Variants in MAP4 observed in about 807,000 individuals in gnomAD.
MAP4 encodes microtubule-associated protein 4.
A neutral mutation model predicts 170.2 loss-of-function variants in MAP4; 76 were observed. The ratio of observed to expected loss-of-function variants is 0.45; its 90% CI spans 0.37 to 0.54. MAP4 has a LOEUF of 0.54. Among genes scored for constraint, MAP4 ranks in the 20% least tolerant of loss-of-function variants. MAP4 has a pLI of 0.00. For synonymous variants in MAP4, 909 were observed against 994.5 expected (o/e 0.91, Z 1.62); for missense variants, 2,506 against 2,748.0 (o/e 0.91, Z 1.97).
In MAP4 at chr3:47,916,203, C is replaced by T; in HGVS notation, c.1624G>A (p.Val542Met). 1 of 1,614,194 alleles carries T rather than the reference C, an allele frequency of 6.2e-7. No individual in the cohort carries two copies. The highest frequency in any genetic ancestry group is 8.5e-7 in the Non-Finnish European group (1 of 1,180,040). Residue 542 changes from valine (V) to methionine (M), a missense_variant, in exon 7 of 21, where the codon GTG becomes ATG. Physicochemically the swap from Val to Met is conservative, Grantham distance 21. Around this residue, in one of 3 missense-constraint regions of MAP4, gnomAD observed 2,008 missense variants for 2,206.0 expected, o/e 0.91. Coordinates refer to ENST00000683076, the MANE Select transcript of MAP4 (RefSeq NM_001385682.1). ...KNVCLPPEME[V>M]ALTEDQVPAL... ...GGGACCTGATCCTCAGTCAGGGCCA[C>T]CTCCATTTCTGGAGGCAGACATACG...
chr3:47,869,492 A>C (rs1244194587), intron 15 of MAP4, among the ~76,000 whole-genome samples, 165 bp from the exon 16 acceptor site: 4 of 152,166 alleles, frequency 2.6e-5, no homozygotes, highest in Non-Finnish European at 4.4e-5. Context: ...GGGTAGACCA[A>C]GTCAAAGATC....
chr3:48,046,499 T>A (rs2100124647), intron 1 of MAP4, among the ~76,000 whole-genome samples: 1 of 152,144 alleles, frequency 6.6e-6, no homozygotes, highest in South Asian at 2.1e-4. Flanking sequence ...TCACAGAACT[T>A]AAAAGCCTTC....
At chr3:48,087,749 A>ACACACACACACGCGCGCGCG (rs1559930149) in intron 1 of MAP4, among the ~76,000 whole-genome samples, 2 of 116,352 alleles carry the variant, frequency 1.7e-5, no homozygotes, top group Admixed American at 9.0e-5. Flanking sequence ...GCACGCGCAC[A>ACACACACACACGCGCGCGCG]CACACACACA....
chr3:47,987,965 T>C (rs1048980317), intron 2 of MAP4, among the ~76,000 whole-genome samples: 5 of 151,952 alleles, frequency 3.3e-5, no homozygotes, highest in Non-Finnish European at 7.4e-5. Context: ...GAGGCTACGG[T>C]GGGCGGATCA....
chr3:47,973,695 T>C (rs2100080190), intron 3 of MAP4: 1 of 985,284 alleles, frequency 1.0e-6, no homozygotes, highest in Non-Finnish European at 1.2e-6. Flanking sequence ...CACCCATAAC[T>C]TAGACAGCTA....
In MAP4 at chr3:47,880,673, A is replaced by C. The variant is rs148122795; in HGVS notation, c.5435-3150T>G. ...TTTTTGAAGAGATGGAGGTCTTGCC[A>C]TGTGGCCCAAACTGACCGGTCTCAA... is the stretch of plus-strand genomic sequence containing the variant. On this transcript the variant is annotated intron_variant, in intron 10 of 20. Transcript: ENST00000683076. Among the ~76,000 whole-genome samples the C allele has an allele frequency of 7.2e-5, 11 of 152,180 alleles. No individual in the cohort carries two copies. The East Asian group carries it at 1.9e-3, about 27-fold the overall frequency.
At chr3:48,062,925 CA>C (rs199523645) in intron 1 of MAP4, among the ~76,000 whole-genome samples, 6,998 of 116,348 alleles carry the variant, frequency 0.06, 211 homozygotes, top group Non-Finnish European at 0.092. Flanking sequence ...AACTCTGTCT[CA>C]AAAAAAAAAA....
intron 3 of MAP4, among the ~76,000 whole-genome samples, chr3:47,971,723 C>A (rs1366586959): frequency 2.0e-5 from 3 of 152,168 alleles, no homozygotes; most frequent in Non-Finnish European, 4.4e-5. Flanking sequence ...ATGGAAACGG[C>A]ATCAACATAA....
chr3:47,915,407 T>A (rs145859696), intron 7 of MAP4, among the ~76,000 whole-genome samples: 1 of 152,170 alleles, frequency 6.6e-6, no homozygotes, highest in Non-Finnish European at 1.5e-5. Flanking sequence ...TGAGCCACCA[T>A]GCCCGGTCAA....
chr3:47,973,214 A>AT, intron 3 of MAP4: 2 of 982,250 alleles, frequency 2.0e-6, no homozygotes, highest in Non-Finnish European at 2.4e-6. Context: ...AATTATAAAA[A>AT]CATTATTTAA....
At chr3:48,000,317 G>T (rs1213857804) in intron 1 of MAP4, among the ~76,000 whole-genome samples, 2 of 151,000 alleles carry the variant, frequency 1.3e-5, no homozygotes, top group Admixed American at 1.3e-4. Context: ...AGTGTGCAAG[G>T]TACTACGCCT....
Position 47,853,347 on chromosome 3 carries a change from C to A in MAP4, c.6702G>T (p.Glu2234Asp), listed in dbSNP as rs917460011. 1.2e-6 allele frequency: 2 copies of A among 1,604,122 alleles called. No individual in the cohort carries two copies. The highest frequency in any genetic ancestry group is 2.2e-5 in the South Asian group (2 of 90,460). The change falls in exon 20 of 21, where the codon GAG (glutamate) becomes GAT (aspartate). Residue 2234 changes from glutamate to aspartate, a missense_variant. Transcript: ENST00000683076. ...HLPAGGAVKT[E>D]GGGSEAPLCP... ...ACAGAGGAGCCTCGCTGCCACCGCCCTCAGTCTACAATGAAACAGTGGGGG... is the reference window on the plus strand; with the variant it reads ...ACAGAGGAGCCTCGCTGCCACCGCCATCAGTCTACAATGAAACAGTGGGGG...
chr3:47,879,377 G>A (rs905687132), intron 10 of MAP4, among the ~76,000 whole-genome samples: 36 of 152,108 alleles, frequency 2.4e-4, no homozygotes, highest in African/African-American at 8.4e-4. Flanking sequence ...ACAGAACAAC[G>A]TTTTTGAGGG....
In MAP4 at chr3:47,916,040, T is replaced by C; in HGVS notation, c.1787A>G (p.Gln596Arg). The C allele has an allele frequency of 6.2e-7, 1 of 1,614,262 alleles. No homozygotes were observed. Among genetic ancestry groups the C allele is most frequent in the Non-Finnish European group, 8.5e-7 (1 of 1,180,044 alleles). Reference protein sequence around the residue: ...PVPIKDMEIAQTQKGISEDSH... With the variant: ...PVPIKDMEIARTQKGISEDSH... ...ATCCTCACTTATTCCTTTTTGTGTT[T>C]GTGCAATTTCCATGTCTTTAATTGG... The change falls in exon 7 of 21, where the codon CAA (glutamine) becomes CGA (arginine). Residue 596 changes from glutamine to arginine, a missense_variant. Coordinates refer to ENST00000683076, the MANE Select transcript of MAP4 (RefSeq NM_001385682.1).
At position 47,909,368 on chromosome 3, in the gene MAP4, C is replaced by T. The variant is rs376794391; in HGVS notation, c.5053G>A (p.Val1685Ile). Residue 1685 changes from valine (V) to isoleucine (I), a missense_variant, in exon 9 of 21, where the codon GTT becomes ATT. By Grantham distance (29) the Val-to-Ile change is conservative. Around this residue, in one of 3 missense-constraint regions of MAP4, gnomAD observed 2,008 missense variants for 2,206.0 expected, o/e 0.91. Coordinates refer to ENST00000683076, the MANE Select transcript of MAP4 (RefSeq NM_001385682.1). The stretch of plus-strand genomic sequence containing the variant: ...TGGATTTCTGGTGTTGGCAAGGAAA[C>T]GCTTTCCAATTCCGTGATTTTACAA... ...LACKITELESVSLPTPEIQSD... is the reference protein window; with the variant it reads ...LACKITELESISLPTPEIQSD... The T allele has an allele frequency of 7.4e-6, 12 of 1,613,786 alleles. No homozygotes were observed. The highest frequency in any genetic ancestry group is 1.1e-5 in the South Asian group (1 of 91,092).
chr3:48,024,939 C>T (rs960025337), intron 1 of MAP4, among the ~76,000 whole-genome samples: 2 of 151,824 alleles, frequency 1.3e-5, no homozygotes, highest in African/African-American at 2.4e-5. Flanking sequence ...CAAAAAAAGG[C>T]AGTGCAATCA....
chr3:47,966,275 T>G, intron 3 of MAP4, among the ~76,000 whole-genome samples: 1 of 112,806 alleles, frequency 8.9e-6, no homozygotes, highest in East Asian at 3.1e-4. Context: ...TGAGACAGAG[T>G]CTTGCTCTGT....
intron 2 of MAP4, among the ~76,000 whole-genome samples, chr3:47,990,137 G>C (rs182865466): frequency 6.6e-6 from 1 of 152,264 alleles, no homozygotes; most frequent in African/African-American, 2.4e-5. Flanking sequence ...TGCCAACACT[G>C]CCCTCTACTG....
At chr3:48,059,831 A>C (rs1486990919) in intron 1 of MAP4, among the ~76,000 whole-genome samples, 3 of 152,076 alleles carry the variant, frequency 2.0e-5, no homozygotes, top group Non-Finnish European at 4.4e-5. Context: ...AATACAAAAA[A>C]TTAGCCGGCT....
Sources: gnomAD v4.1 joint callset for allele counts (sites outside exome capture counted in the v4.1 genomes callset) on GRCh38, gnomAD v4.1.1 for gene constraint, gnomAD v4.1.1 regional missense constraint, MANE v1.5 for transcripts, NCBI Gene and HGNC (gene_info 2026-07-23, HGNC 2026-07-21) for gene names.